The following TWIST2 variants were observed in gnomAD, a reference collection of about 807,000 sequenced individuals.
The protein encoded by TWIST2 is twist family bHLH transcription factor 2.
A neutral mutation model predicts 11.6 loss-of-function variants in TWIST2; 1 was observed. That is an observed-to-expected ratio of 0.09 (90% CI 0.03 to 0.41). TWIST2 has a LOEUF of 0.41. Among genes scored for constraint, TWIST2 ranks in the 10% least tolerant of loss-of-function variants. TWIST2 has a pLI of 0.98. For missense variants in TWIST2, 168 were observed against 226.4 expected (o/e 0.74, Z 1.66); for synonymous variants, 87 against 96.6 (o/e 0.90, Z 0.58).
rs1436325123 is a variant in TWIST2, at chr2:238,864,237, T to C, written c.*35+15504T>C. Among the ~76,000 whole-genome samples, 1 of 152,208 alleles carries C rather than the reference T, an allele frequency of 6.6e-6. No homozygotes were observed. Among genetic ancestry groups the C allele is most frequent in the African/African-American group, 2.4e-5 (1 of 41,462 alleles). ...TCGGGCTGTGCCGTGGTATCCTCTC[T>C]TCTCCACATTACACCCCAAGCACGC... On this transcript the variant is annotated intron_variant, in intron 1 of 1. Transcript: ENST00000612363. The surrounding 1 kb of genome is among the most constrained non-coding windows in gnomAD (Gnocchi z 4.7).
intron 1 of TWIST2, among the ~76,000 whole-genome samples, chr2:238,871,179 C>CAA (rs1692688789): frequency 3.6e-5 from 1 of 27,560 alleles, no homozygotes; most frequent in Non-Finnish European, 6.8e-5. Flanking sequence ...ACACACCACA[C>CAA]ACCCCACACA....
At chr2:238,879,678 C>T (rs764419055) in intron 1 of TWIST2, among the ~76,000 whole-genome samples, 9 of 152,234 alleles carry the variant, frequency 5.9e-5, no homozygotes, top group Admixed American at 1.3e-4. Flanking sequence ...CCATCCTGCA[C>T]CAGCTGGGTC....
At chr2:238,877,336 C>T (rs1414663888) in intron 1 of TWIST2, among the ~76,000 whole-genome samples, 4 of 152,034 alleles carry the variant, frequency 2.6e-5, no homozygotes, top group Non-Finnish European at 4.4e-5. Flanking sequence ...AAGAAATAGA[C>T]ATAGGGCTAT....
chr2:238,893,061 C>T (rs1693165127), intron 1 of TWIST2, among the ~76,000 whole-genome samples: 1 of 152,204 alleles, frequency 6.6e-6, no homozygotes, highest in African/African-American at 2.4e-5. Flanking sequence ...TCCAACTCTG[C>T]AGGCCTAAAA....
intron 1 of TWIST2, among the ~76,000 whole-genome samples, chr2:238,901,942 T>C (rs1461271383): frequency 6.6e-6 from 1 of 151,824 alleles, no homozygotes; most frequent in Non-Finnish European, 1.5e-5. Context: ...GGTGAGAGCA[T>C]TTTTGCATGA....
At chr2:238,874,756 G>T (rs939948495) in intron 1 of TWIST2, among the ~76,000 whole-genome samples, 5 of 152,206 alleles carry the variant, frequency 3.3e-5, no homozygotes, top group Non-Finnish European at 7.3e-5. Context: ...TCAGGTAGAA[G>T]AGTTGCCTGC....
At chr2:238,879,329 CCT>C (rs2106363582) in intron 1 of TWIST2, among the ~76,000 whole-genome samples, 1 of 152,292 alleles carries the variant, frequency 6.6e-6, no homozygotes, top group Non-Finnish European at 1.5e-5. Flanking sequence ...ACAGTCCCTC[CCT>C]GTCAGCCCAC....
chr2:238,884,508 A>G (rs2106366492), intron 1 of TWIST2, among the ~76,000 whole-genome samples: 1 of 152,322 alleles, frequency 6.6e-6, no homozygotes, highest in East Asian at 1.9e-4. Context: ...TAAGCCCCAG[A>G]ACAAGATTCT....
intron 1 of TWIST2, among the ~76,000 whole-genome samples, chr2:238,868,349 C>T (rs944753121): frequency 2.6e-5 from 4 of 152,174 alleles, no homozygotes; most frequent in South Asian, 2.1e-4. Context: ...CTCTGGTAAG[C>T]GTCGGGCTTC....
At chr2:238,905,943 G>GCA (rs1693344036) in intron 1 of TWIST2, among the ~76,000 whole-genome samples, 1 of 103,582 alleles carries the variant, frequency 9.7e-6, no homozygotes, top group East Asian at 2.4e-4. Flanking sequence ...GCGTGTGTGT[G>GCA]CGCGCGCGTG....
chr2:238,870,150 ACCACACC>A (rs1574753979), intron 1 of TWIST2, among the ~76,000 whole-genome samples: 5 of 112,518 alleles, frequency 4.4e-5, no homozygotes, highest in African/African-American at 1.3e-4. Flanking sequence ...CCCCATACAC[ACCACACC>A]CCACACACAC....
At chr2:238,901,433 G>A (rs1166977660) in intron 1 of TWIST2, among the ~76,000 whole-genome samples, 2 of 152,020 alleles carry the variant, frequency 1.3e-5, no homozygotes, top group African/African-American at 2.4e-5. Context: ...TTTTTTTGAA[G>A]CAGACAATTC....
intron 1 of TWIST2, among the ~76,000 whole-genome samples, chr2:238,879,660 T>C (rs1443935994): frequency 2.6e-5 from 4 of 152,164 alleles, no homozygotes; most frequent in African/African-American, 7.2e-5. Context: ...GTTAGCAGGA[T>C]CCCCTGGCCA....
chr2:238,879,081 G>A (rs1574759569), intron 1 of TWIST2, among the ~76,000 whole-genome samples: 1 of 152,230 alleles, frequency 6.6e-6, no homozygotes, highest in African/African-American at 2.4e-5. Flanking sequence ...GAGCACAAAA[G>A]GCAAGCTGAC....
chr2:238,902,196 G>T (rs1031771538), intron 1 of TWIST2, among the ~76,000 whole-genome samples: 136 of 152,002 alleles, frequency 8.9e-4, no homozygotes, highest in African/African-American at 3.0e-3. Context: ...GCAAGAGAGA[G>T]AGATATGGGG....
Position 238,892,224 on chromosome 2 carries a change from C to T in TWIST2, c.*36-17618C>T, listed in dbSNP as rs573515024. On this transcript the variant is annotated intron_variant, in intron 1 of 1. Coordinates refer to ENST00000612363, the MANE Select transcript of TWIST2 (RefSeq NM_001271893.4). Reference sequence around the variant, plus strand: ...GGCTCACCTCACGGCGGAACGCAGACACCTGAGAGCCCGCAAGCCTCAGGA... The same window carrying T: ...GGCTCACCTCACGGCGGAACGCAGATACCTGAGAGCCCGCAAGCCTCAGGA... Among the ~76,000 whole-genome samples, 321 of 152,196 alleles carry T rather than the reference C, an allele frequency of 2.1e-3. 2 individuals are homozygous for T. The highest frequency in any genetic ancestry group is 1.4e-3 in the Non-Finnish European group (97 of 68,046).
chr2:238,870,560 A>G (rs868584299), intron 1 of TWIST2, among the ~76,000 whole-genome samples: 2 of 59,832 alleles, frequency 3.3e-5, no homozygotes, highest in East Asian at 4.5e-4. Context: ...CCCCACACAC[A>G]CCACACACCA....
rs1369362387 is a variant in TWIST2 at position 238,860,895 on chromosome 2, G to A, written c.*35+12162G>A. Among the ~76,000 whole-genome samples, 3 of 152,278 alleles carry A rather than the reference G, an allele frequency of 2.0e-5. No individual in the cohort carries two copies. In the East Asian group the frequency reaches 5.8e-4, roughly 29 times the overall value. On this transcript the variant is annotated intron_variant, in intron 1 of 1. Transcript: ENST00000612363. ...GGAGGTTGCAGTGAGCCGACATCGC[G>A]CCACTGCCCTCCAGCCTGGGTGACA...
At chr2:238,876,679 C>T (rs868596415) in intron 1 of TWIST2, among the ~76,000 whole-genome samples, 3 of 152,058 alleles carry the variant, frequency 2.0e-5, no homozygotes, top group Non-Finnish European at 2.9e-5. Context: ...AAGAATAGGG[C>T]GCTGTGAAGA....
Sources: gnomAD v4.1 joint callset for allele counts (sites outside exome capture counted in the v4.1 genomes callset) on GRCh38, gnomAD v4.1.1 for gene constraint, Gnocchi (gnomAD v3.1) non-coding constraint, MANE v1.5 for transcripts, NCBI Gene and HGNC (gene_info 2026-07-23, HGNC 2026-07-21) for gene names.